CD55: variants seen among roughly 807,000 people sequenced by gnomAD.
CD55 encodes complement decay-accelerating factor.
A neutral mutation model predicts 45.8 loss-of-function variants in CD55; 41 were observed. The ratio of observed to expected loss-of-function variants is 0.90; its 90% CI spans 0.70 to 1.16. CD55 has a LOEUF of 1.16. CD55 is among the 50% of genes most tolerant of loss of function. The probability of loss-of-function intolerance (pLI) is 0.00; values close to 1 mark genes in which losing one functional copy is unlikely to be tolerated. For missense variants in CD55, 416 were observed against 469.8 expected (o/e 0.89, Z 1.06); for synonymous variants, 181 against 181.1 (o/e 1.00, Z 0.01).
chr1:207,344,478 T>C (rs1028551138), intron 9 of CD55, among the ~76,000 whole-genome samples: 3 of 152,192 alleles, frequency 2.0e-5, no homozygotes, highest in African/African-American at 7.2e-5. Flanking sequence ...ACATTGTTTC[T>C]CCTTCATTTA....
rs141413529 is a variant in CD55, at chr1:207,345,844, A to G, written c.1081+6427A>G. ...TTCTGTATGACTTTCAGCTGTAAAT[A>G]TCATCAGTGGTATCTGTCATTTCCT... On this transcript the variant is annotated intron_variant, in intron 9 of 9. Coordinates refer to ENST00000367064, the MANE Select transcript of CD55 (RefSeq NM_000574.5). Among the ~76,000 whole-genome samples the G allele has an allele frequency of 4.2e-3, 634 of 152,280 alleles. 4 individuals carry two copies. Among genetic ancestry groups the G allele is most frequent in the African/African-American group, 0.014 (599 of 41,550 alleles).
chr1:207,327,028 A>G (rs578096366), intron 5 of CD55, among the ~76,000 whole-genome samples, 191 bp downstream of exon 5: 1 of 152,374 alleles, frequency 6.6e-6, no homozygotes, highest in Admixed American at 6.5e-5. Context: ...AAGATAAACC[A>G]GCAAGTTTTC....
At chr1:207,325,061 A>C (rs1654611446) in intron 3 of CD55, among the ~76,000 whole-genome samples, 1 of 152,294 alleles carries the variant, frequency 6.6e-6, no homozygotes, top group African/African-American at 2.4e-5. Flanking sequence ...AGGGTCAGGC[A>C]TGGTGGCTCA....
chr1:207,321,770 C>A lies in CD55; in HGVS notation c.5C>A (p.Thr2Asn). The change falls in exon 1 of 10, where the codon ACC becomes AAC. Residue 2 changes from threonine to asparagine, a missense_variant. Thr to Asn is a moderately conservative substitution (Grantham distance 65). This residue lies in a region of CD55 where 123 missense variants were observed against 105.1 expected (regional missense o/e 1.17). Coordinates refer to ENST00000367064, the MANE Select transcript of CD55 (RefSeq NM_000574.5). M[T>N]VARPSVPAAL... ...CTTGTTCTAACCCGGCGCGCCATGA[C>A]CGTCGCGCGGCCGAGCGTGCCCGCG... is the stretch of plus-strand genomic sequence containing the variant. 6.6e-7 allele frequency: 1 copy of A among 1,515,796 alleles called. No homozygotes were observed. Among genetic ancestry groups the A allele is most frequent in the Non-Finnish European group, 8.8e-7 (1 of 1,138,446 alleles). The allele number at this position is 1,515,796 out of a possible 1,614,324, so 93.9% of individuals were successfully genotyped here. A position where few individuals can be genotyped will look rare whatever the true frequency, so the allele number is the denominator to read the frequency against.
intron 2 of CD55, among the ~76,000 whole-genome samples, chr1:207,323,167 A>G (rs1001076301): frequency 6.6e-6 from 1 of 151,332 alleles, no homozygotes; most frequent in Non-Finnish European, 1.5e-5. Flanking sequence ...GGATATATAT[A>G]TAGGGAGAGA....
chr1:207,358,563 A>G (rs1558161221), intron 9 of CD55: 1 of 152,168 alleles, frequency 6.6e-6, no homozygotes, highest in Non-Finnish European at 1.5e-5. Flanking sequence ...GTTGTGTTTG[A>G]CCATTTAAGT....
chr1:207,328,320 A>G (rs1654778962), intron 5 of CD55, among the ~76,000 whole-genome samples: 1 of 152,204 alleles, frequency 6.6e-6, no homozygotes, highest in Non-Finnish European at 1.5e-5. Context: ...ATATCCCTAT[A>G]AGGCCTTACT....
chr1:207,343,040 T>C (rs917466719), intron 9 of CD55, among the ~76,000 whole-genome samples: 2 of 152,278 alleles, frequency 1.3e-5, no homozygotes, highest in African/African-American at 4.8e-5. Flanking sequence ...AGTTGTAATG[T>C]CTCTTTTTTC....
intron 5 of CD55, among the ~76,000 whole-genome samples, chr1:207,327,053 C>A (rs1460454411): frequency 2.0e-5 from 3 of 152,172 alleles, no homozygotes; most frequent in Admixed American, 1.3e-4. Context: ...TCCCAATTCC[C>A]AAATTGTAGA....
chr1:207,352,954 CTG>C (rs981360219), intron 9 of CD55, among the ~76,000 whole-genome samples: 2 of 149,446 alleles, frequency 1.3e-5, no homozygotes, highest in Admixed American at 1.3e-4. Context: ...GCTAAGATAA[CTG>C]TGGTTTTGCA....
At chr1:207,323,047 A>G (rs1047978502) in intron 2 of CD55, among the ~76,000 whole-genome samples, 5 of 152,078 alleles carry the variant, frequency 3.3e-5, no homozygotes, top group South Asian at 2.1e-4. Flanking sequence ...GTCATGATCA[A>G]TCAGGGTAAT....
At chr1:207,336,844 A>G (rs1655198454) in intron 7 of CD55, 26 bp downstream of exon 7, 1 of 1,613,068 alleles carries the variant, frequency 6.2e-7, no homozygotes, top group African/African-American at 1.3e-5. Flanking sequence ...CAGTTCTTCA[A>G]AAACACACCA....
intron 9 of CD55, among the ~76,000 whole-genome samples, chr1:207,344,515 T>C (rs1449994871): frequency 6.6e-6 from 1 of 152,076 alleles, no homozygotes. Context: ...TAATCCTTGG[T>C]TGGTAGTCTT....
intron 8 of CD55, among the ~76,000 whole-genome samples, chr1:207,338,358 T>G (rs990521159): frequency 1.3e-5 from 2 of 152,202 alleles, no homozygotes; most frequent in African/African-American, 2.4e-5. Context: ...GTGGTTTTTT[T>G]ACTTCTTTAC....
chr1:207,333,848 A>T (rs1655054478), intron 6 of CD55, among the ~76,000 whole-genome samples: 1 of 152,190 alleles, frequency 6.6e-6, no homozygotes. Context: ...AAAGAGAAAA[A>T]GGAATGTGAA....
chr1:207,350,499 G>T (rs1004334555), intron 9 of CD55, among the ~76,000 whole-genome samples: 83 of 151,940 alleles, frequency 5.5e-4, no homozygotes, highest in African/African-American at 1.8e-3. Context: ...CTTTCTGGTT[G>T]GTAGGTTTTT....
chr1:207,347,677 C>G (rs927200821), intron 9 of CD55: 4 of 165,440 alleles, frequency 2.4e-5, no homozygotes, highest in African/African-American at 9.6e-5. Flanking sequence ...TATTTCATCA[C>G]CCAGGTAGTG....
chr1:207,331,205 T>C lies in CD55; in HGVS notation c.762T>C (p.Asn254=). The change falls in exon 6 of 10, where the codon AAT becomes AAC. Residue 254 remains asparagine, a synonymous_variant. Coordinates refer to ENST00000367064, the MANE Select transcript of CD55 (RefSeq NM_000574.5). ...GACAGTCTGTAACGTATGCATGTAA[T>C]AAAGGATTCACCATGATTGGAGAGC... ...GYRQSVTYAC[N]KGFTMIGEHS... 6.2e-7 allele frequency: 1 copy of C among 1,613,544 alleles called. No individual in the cohort carries two copies. Among genetic ancestry groups the C allele is most frequent in the Non-Finnish European group, 8.5e-7 (1 of 1,179,480 alleles).
intron 3 of CD55, 95 bp downstream of exon 3, chr1:207,324,845 T>A: frequency 4.7e-6 from 3 of 636,736 alleles, no homozygotes; most frequent in Admixed American, 3.2e-5. Flanking sequence ...TGTGTATATA[T>A]TATTATATAG....
Sources: gnomAD v4.1 joint callset for allele counts (sites outside exome capture counted in the v4.1 genomes callset) on GRCh38, gnomAD v4.1.1 for gene constraint, gnomAD v4.1.1 regional missense constraint, MANE v1.5 for transcripts, NCBI Gene and HGNC (gene_info 2026-07-23, HGNC 2026-07-21) for gene names.